ZMAT4: variants seen among roughly 807,000 people sequenced by gnomAD.
ZMAT4 encodes zinc finger matrin-type protein 4.
A neutral mutation model predicts 28.7 loss-of-function variants in ZMAT4; 17 were observed. That is an observed-to-expected ratio of 0.59 (90% CI 0.41 to 0.89). The LOEUF is 0.89. ZMAT4 is among the 40% of genes least tolerant of loss of function. ZMAT4 has a pLI of 0.00. For synonymous variants in ZMAT4, 117 were observed against 109.2 expected, an observed-to-expected ratio of 1.07 and a Z score of -0.44; for missense variants, 240 against 283.8, an observed-to-expected ratio of 0.85 and a Z score of 1.11.
intron 5 of ZMAT4, among the ~76,000 whole-genome samples, chr8:40,612,698 G>C (rs1172194634): frequency 4.4e-5 from 6 of 136,266 alleles, no homozygotes; most frequent in African/African-American, 1.5e-4. Flanking sequence ...AAGCATCTGT[G>C]CTACCTCATT....
intron 6 of ZMAT4, among the ~76,000 whole-genome samples, chr8:40,572,964 C>G (rs1422415880): frequency 6.6e-6 from 1 of 152,102 alleles, no homozygotes; most frequent in Non-Finnish European, 1.5e-5. Flanking sequence ...ACTTTTAGGG[C>G]CTTGGAAAAG....
intron 1 of ZMAT4, among the ~76,000 whole-genome samples, chr8:40,891,642 C>T (rs568663005): frequency 1.3e-4 from 20 of 152,214 alleles, no homozygotes; most frequent in Non-Finnish European, 2.6e-4. Flanking sequence ...CTGATGGTCT[C>T]GCTGGGCCAG....
intron 5 of ZMAT4, among the ~76,000 whole-genome samples, chr8:40,664,865 A>G (rs1453998944): frequency 3.3e-5 from 5 of 152,244 alleles, no homozygotes; most frequent in African/African-American, 1.2e-4. Flanking sequence ...GCAGACCCAC[A>G]GCCTGAGTGC....
At chr8:40,588,662 A>T (rs1422665793) in intron 5 of ZMAT4, among the ~76,000 whole-genome samples, 1 of 152,130 alleles carries the variant, frequency 6.6e-6, no homozygotes, top group Non-Finnish European at 1.5e-5. Flanking sequence ...AATTTGACAC[A>T]TTCTTGAGGG....
chr8:40,740,052 C>T (rs977700860), intron 3 of ZMAT4, among the ~76,000 whole-genome samples: 2 of 152,102 alleles, frequency 1.3e-5, no homozygotes, highest in African/African-American at 2.4e-5. Context: ...CATTGATGGG[C>T]GTTTGGGTTG....
At chr8:40,535,026 A>G (rs1563329620) in intron 6 of ZMAT4, among the ~76,000 whole-genome samples, 1 of 152,146 alleles carries the variant, frequency 6.6e-6, no homozygotes, top group Non-Finnish European at 1.5e-5. Context: ...GAGTGTTAAT[A>G]GGGACTTTTC....
chr8:40,692,903 G>T (rs1289470803), intron 4 of ZMAT4, among the ~76,000 whole-genome samples: 1 of 152,098 alleles, frequency 6.6e-6, no homozygotes, highest in Non-Finnish European at 1.5e-5. Flanking sequence ...GAGGTTGGGG[G>T]CAGGCACAGA....
intron 1 of ZMAT4, among the ~76,000 whole-genome samples, chr8:40,894,484 G>A (rs776980556): frequency 1.3e-5 from 2 of 152,112 alleles, no homozygotes; most frequent in Non-Finnish European, 2.9e-5. Context: ...CTACATGTAG[G>A]GTGAATGGAG....
Position 40,574,457 on chromosome 8 carries a change from C to T in ZMAT4, c.674+6708G>A, listed in dbSNP as rs114076546. Among the ~76,000 whole-genome samples, 545 of 152,192 alleles carry T rather than the reference C, an allele frequency of 3.6e-3. 3 individuals carry two copies. Among genetic ancestry groups the T allele is most frequent in the African/African-American group, 0.012 (505 of 41,532 alleles). On this transcript the variant is annotated intron_variant, in intron 6 of 6. Transcript: ENST00000297737. ...CATATTTATAGTTAAAGGTTTTCAACGCCTGTTTCTCCTGGGTAGAATATG... is the reference window on the plus strand; with the variant it reads ...CATATTTATAGTTAAAGGTTTTCAATGCCTGTTTCTCCTGGGTAGAATATG...
chr8:40,668,069 G>A (rs1407638215), intron 5 of ZMAT4, among the ~76,000 whole-genome samples: 3 of 152,002 alleles, frequency 2.0e-5, no homozygotes, highest in Non-Finnish European at 4.4e-5. Context: ...GAAGGTGAAG[G>A]ATCTAAAGCT....
intron 3 of ZMAT4, among the ~76,000 whole-genome samples, chr8:40,725,872 G>C (rs904239359): frequency 6.6e-6 from 1 of 151,614 alleles, no homozygotes; most frequent in Non-Finnish European, 1.5e-5. Flanking sequence ...TAAGAGATGG[G>C]CTTTGTAAAA....
chr8:40,548,089 A>G (rs1459090593), intron 6 of ZMAT4, among the ~76,000 whole-genome samples: 1 of 152,168 alleles, frequency 6.6e-6, no homozygotes, highest in Non-Finnish European at 1.5e-5. Flanking sequence ...TAAGAAATCC[A>G]TGTGGCTGGA....
intron 3 of ZMAT4, among the ~76,000 whole-genome samples, chr8:40,751,822 T>C (rs1422213670): frequency 6.6e-6 from 1 of 152,134 alleles, no homozygotes; most frequent in South Asian, 2.1e-4. Context: ...TTAATTAAAA[T>C]AATTTTTAAA....
chr8:40,858,876 A>G (rs1459999356), intron 1 of ZMAT4, among the ~76,000 whole-genome samples: 1 of 152,136 alleles, frequency 6.6e-6, no homozygotes, highest in Non-Finnish European at 1.5e-5. Context: ...GGTCTTTGCC[A>G]TTCCCTGGGA....
chr8:40,866,486 C>T lies in ZMAT4; in HGVS notation c.-5+31197G>A, dbSNP rs74342232. ...AAAATCACTTAGCTTAATAACGCTG[C>T]CCTGATTTAATTTTAACTTTTCATA... On this transcript the variant is annotated intron_variant, in intron 1 of 6. Transcript: ENST00000297737. 3.3e-3 allele frequency among the ~76,000 whole-genome samples: 510 copies of T among 152,280 alleles called. 4 individuals carry two copies. The highest frequency in any genetic ancestry group is 0.012 in the African/African-American group (483 of 41,550).
chr8:40,653,518 T>C (rs1807780395), intron 5 of ZMAT4, among the ~76,000 whole-genome samples: 1 of 151,960 alleles, frequency 6.6e-6, no homozygotes, highest in Non-Finnish European at 1.5e-5. Flanking sequence ...CTAGCTAAAT[T>C]GACAAGAAAG....
At chr8:40,540,091 C>T (rs1352985129) in intron 6 of ZMAT4, among the ~76,000 whole-genome samples, 6 of 152,216 alleles carry the variant, frequency 3.9e-5, no homozygotes, top group South Asian at 4.1e-4. Context: ...TGAGTGAACA[C>T]ATCAGCGTGA....
chr8:40,758,981 G>C (rs952420182), intron 3 of ZMAT4, among the ~76,000 whole-genome samples: 1 of 152,244 alleles, frequency 6.6e-6, no homozygotes, highest in Admixed American at 6.5e-5. Flanking sequence ...CTTTGGAATG[G>C]TATCTGAGAA....
chr8:40,874,430 T>C (rs1403081843), intron 1 of ZMAT4, among the ~76,000 whole-genome samples: 1 of 152,210 alleles, frequency 6.6e-6, no homozygotes, highest in Non-Finnish European at 1.5e-5. Context: ...GGATATAATG[T>C]ATACTGGGAG....
Sources: gnomAD v4.1 joint callset for allele counts (sites outside exome capture counted in the v4.1 genomes callset) on GRCh38, gnomAD v4.1.1 for gene constraint, MANE v1.5 for transcripts, NCBI Gene and HGNC (gene_info 2026-07-23, HGNC 2026-07-21) for gene names.